DOCK2: variants seen among roughly 807,000 people sequenced by gnomAD.
The protein encoded by DOCK2 is dedicator of cytokinesis 2, also known as dedicator of cytokinesis protein 2.
DOCK2 carries 87 observed loss-of-function variants against 248.9 expected under a neutral mutation model. The ratio of observed to expected loss-of-function variants is 0.35; its 90% CI spans 0.29 to 0.42. The LOEUF is 0.42. Among genes scored for constraint, DOCK2 ranks in the 10% least tolerant of loss-of-function variants. The pLI, the probability that DOCK2 is intolerant of heterozygous loss-of-function variation, is 1.00. For synonymous variants in DOCK2, 805 were observed against 821.6 expected, an observed-to-expected ratio of 0.98 and a Z score of 0.35; for missense variants, 1,747 against 2,300.2, an observed-to-expected ratio of 0.76 and a Z score of 4.92.
chr5:169,778,535 GGC>G (rs1765512316), intron 25 of DOCK2, among the ~76,000 whole-genome samples: 1 of 152,144 alleles, frequency 6.6e-6, no homozygotes, highest in South Asian at 2.1e-4. Flanking sequence ...AGACTTTGGG[GGC>G]AGCTCCTGCT....
At position 170,067,581 on chromosome 5, in the gene DOCK2, A is replaced by G; in HGVS notation, c.4539A>G (p.Ile1513Met). 1 of 1,614,216 alleles carries G rather than the reference A, an allele frequency of 6.2e-7. No homozygotes were observed. The highest frequency in any genetic ancestry group is 8.5e-7 in the Non-Finnish European group (1 of 1,180,032). Reference protein sequence around the residue: ...STANEKILMMINQYQSDETLP... With the variant: ...STANEKILMMMNQYQSDETLP... ...CCAATGAGAAGATCCTGATGATGAT[A>G]AACCAGTACCAGAGTGATGAGACCC... The change falls in exon 45 of 52, where the codon ATA becomes ATG. Residue 1513 changes from isoleucine (I) to methionine (M), a missense_variant. By Grantham distance (10) the Ile-to-Met change is conservative. Coordinates refer to ENST00000520908, the MANE Select transcript of DOCK2 (RefSeq NM_004946.3).
At chr5:169,961,719 C>T (rs1332536257) in intron 27 of DOCK2, among the ~76,000 whole-genome samples, 2 of 151,922 alleles carry the variant, frequency 1.3e-5, no homozygotes, top group African/African-American at 2.4e-5. Flanking sequence ...GGCTCACGCC[C>T]GTAATCCCAG....
chr5:169,815,724 C>T (rs866747104), intron 26 of DOCK2, among the ~76,000 whole-genome samples: 2 of 151,960 alleles, frequency 1.3e-5, no homozygotes, highest in Non-Finnish European at 2.9e-5. Flanking sequence ...AATTTTGCCC[C>T]CTAGGTTAGT....
intron 27 of DOCK2, among the ~76,000 whole-genome samples, chr5:169,982,802 A>AT (rs1179441135): frequency 2.0e-5 from 3 of 152,236 alleles, no homozygotes; most frequent in African/African-American, 7.2e-5. Context: ...ATTATTTGTC[A>AT]TAAAATGAAA....
intron 15 of DOCK2, among the ~76,000 whole-genome samples, chr5:169,710,858 C>T (rs1453887548): frequency 6.6e-6 from 1 of 152,212 alleles, no homozygotes. Flanking sequence ...CTCTCTTGCA[C>T]CTCAGTTGTA....
chr5:169,697,944 T>C (rs1322092045), intron 10 of DOCK2, among the ~76,000 whole-genome samples: 2 of 152,226 alleles, frequency 1.3e-5, no homozygotes, highest in Non-Finnish European at 2.9e-5. Context: ...CATATGAGTA[T>C]GCTTATGAAA....
At position 169,836,838 on chromosome 5, in the gene DOCK2, G is replaced by GA. The variant is rs550506818; in HGVS notation, c.2704-3910dup. ...TCATGAAAAGTGTTGAAAGAAAAATGAAAAAAAAAGGCCACATTTTTTATA... is the reference window on the plus strand; with the variant it reads ...TCATGAAAAGTGTTGAAAGAAAAATGAAAAAAAAAAGGCCACATTTTTTATA... On this transcript the variant is annotated intron_variant, in intron 26 of 51. Coordinates refer to ENST00000520908, the MANE Select transcript of DOCK2 (RefSeq NM_004946.3). Among the ~76,000 whole-genome samples, 1,290 of 148,970 alleles carry GA rather than the reference G, an allele frequency of 8.7e-3. 45 individuals carry two copies. The highest frequency in any genetic ancestry group is 0.07 in the Admixed American group (1,048 of 15,064).
At chr5:169,818,104 C>G (rs113984582) in intron 26 of DOCK2, among the ~76,000 whole-genome samples, 1,693 of 152,252 alleles carry the variant, frequency 0.011, 32 homozygotes, top group African/African-American at 0.039. Context: ...GGTCACACCC[C>G]AAGGCCAGCC....
At chr5:169,716,398 G>T in intron 20 of DOCK2, 96 bp downstream of exon 20, 1 of 1,237,316 alleles carries the variant, frequency 8.1e-7, no homozygotes, top group Non-Finnish European at 1.2e-6. Flanking sequence ...GGCCCTCATG[G>T]CCTTTTTCAT....
intron 22 of DOCK2, among the ~76,000 whole-genome samples, chr5:169,736,136 A>C (rs558717198): frequency 6.6e-6 from 1 of 152,326 alleles, no homozygotes; most frequent in African/African-American, 2.4e-5. Flanking sequence ...GTAAATTACA[A>C]TTTGACAGGA....
intron 27 of DOCK2, among the ~76,000 whole-genome samples, chr5:169,897,864 T>C (rs1232508872): frequency 6.6e-6 from 1 of 152,190 alleles, no homozygotes; most frequent in Non-Finnish European, 1.5e-5. Flanking sequence ...GAGTGGACTC[T>C]CAAAAGAAGA....
At chr5:169,898,174 G>C (rs969063558) in intron 27 of DOCK2, among the ~76,000 whole-genome samples, 20 of 152,326 alleles carry the variant, frequency 1.3e-4, no homozygotes, top group African/African-American at 4.6e-4. Flanking sequence ...GGCTGACTGA[G>C]GCTGCATGAA....
chr5:169,902,913 C>A (rs1462057386), intron 27 of DOCK2, among the ~76,000 whole-genome samples: 1 of 152,080 alleles, frequency 6.6e-6, no homozygotes, highest in African/African-American at 2.4e-5. Flanking sequence ...TCTTGGCCAA[C>A]ATGGTGAAAC....
At chr5:169,679,664 G>A (rs1759543406) in intron 6 of DOCK2, among the ~76,000 whole-genome samples, 3 of 152,198 alleles carry the variant, frequency 2.0e-5, no homozygotes, top group South Asian at 4.1e-4. Context: ...GAGAGCCTCT[G>A]CTAAGCATTA....
At chr5:170,072,236 G>A (rs531069260) in intron 46 of DOCK2, among the ~76,000 whole-genome samples, 1 of 152,226 alleles carries the variant, frequency 6.6e-6, no homozygotes, top group East Asian at 1.9e-4. Flanking sequence ...TATTTTGCCT[G>A]TTCTTGAACC....
intron 8 of DOCK2, among the ~76,000 whole-genome samples, chr5:169,686,286 G>C (rs113846225): frequency 1.1e-4 from 16 of 152,332 alleles, no homozygotes; most frequent in African/African-American, 3.6e-4. Context: ...ACATTGACAA[G>C]GGAGTGTGGT....
chr5:169,956,568 C>G (rs1240903064), intron 27 of DOCK2, among the ~76,000 whole-genome samples: 1 of 152,138 alleles, frequency 6.6e-6, no homozygotes, highest in Non-Finnish European at 1.5e-5. Context: ...CTTTTAGAAG[C>G]CTTAAGATGC....
At chr5:169,777,599 T>A (rs1019238760) in intron 25 of DOCK2, among the ~76,000 whole-genome samples, 1 of 152,160 alleles carries the variant, frequency 6.6e-6, no homozygotes, top group Non-Finnish European at 1.5e-5. Flanking sequence ...GGACAGTTGT[T>A]CAGAATAAGG....
chr5:170,018,874 C>CTTTT, intron 32 of DOCK2, 86 bp from the exon 33 acceptor site: 14 of 1,510,064 alleles, frequency 9.3e-6, no homozygotes, highest in African/African-American at 2.8e-5. Flanking sequence ...TTATGCTTCC[C>CTTTT]TTTTTTTCTT....
Sources: gnomAD v4.1 joint callset for allele counts (sites outside exome capture counted in the v4.1 genomes callset) on GRCh38, gnomAD v4.1.1 for gene constraint, MANE v1.5 for transcripts, NCBI Gene and HGNC (gene_info 2026-07-23, HGNC 2026-07-21) for gene names.